CARS2: variants seen among roughly 807,000 people sequenced by gnomAD.
CARS2 encodes the protein probable cysteine--tRNA ligase, mitochondrial.
CARS2 carries 52 observed loss-of-function variants against 68.8 expected under a neutral mutation model. The ratio of observed to expected loss-of-function variants is 0.76; its 90% confidence interval spans 0.61 to 0.95. CARS2 has a LOEUF of 0.95. Ranked by LOEUF, CARS2 falls within the 40% of genes least tolerant of loss-of-function variation. CARS2 has a pLI of 0.00. For synonymous variants in CARS2, 314 were observed against 303.6 expected (o/e 1.03, Z -0.36); for missense variants, 780 against 754.2 (o/e 1.03, Z -0.40).
chr13:110,664,075 C>T, intron 8 of CARS2: 1 of 983,504 alleles, frequency 1.0e-6, no homozygotes, highest in Non-Finnish European at 1.2e-6. Flanking sequence ...GGAGGAAAAC[C>T]AAACTCATTT....
At chr13:110,669,947 G>A (rs1457883744) in intron 7 of CARS2, among the ~76,000 whole-genome samples, 1 of 152,244 alleles carries the variant, frequency 6.6e-6, no homozygotes. Flanking sequence ...CACGCCCACG[G>A]AGCCTCGCTC....
rs937379049 is a variant in CARS2 at position 110,712,531 on chromosome 13, G to A, written n.399+606C>T. On this transcript the variant is annotated intron_variant and non_coding_transcript_variant, in intron 1 of 2. Coordinates refer to the CARS2 transcript ENST00000485188. ...GGAGGGGCGGGCCCTTTGGCCGGAA[G>A]GGGGGGGGCCGGCGCGCGGGGCCGG... 2.4e-5 allele frequency: 4 copies of A among 163,888 alleles called. No individual in the cohort carries two copies. In the African/African-American group the frequency reaches 4.5e-4, roughly 19 times the overall value. 10.2% of individuals were successfully genotyped at this position (163,888 alleles called of 1,614,324 possible).
rs185147145 is a variant in CARS2 at position 110,677,167 on chromosome 13, C to T, written c.656-64G>A. The stretch of plus-strand genomic sequence containing the variant: ...AGTCACCCCACCACGGATGCTCAGA[C>T]ATTCACCCCCACCACAGAAACCCAG... On this transcript the variant is annotated intron_variant, in intron 6 of 14. Transcript: ENST00000257347. 5,109 of 1,507,526 alleles carry T rather than the reference C, an allele frequency of 3.4e-3. 10 individuals are homozygous for T. Among genetic ancestry groups the T allele is most frequent in the Non-Finnish European group, 4.1e-3 (4,605 of 1,118,938 alleles). The allele number at this position is 1,507,526 out of a possible 1,614,324, so 93.4% of individuals were successfully genotyped here.
chr13:110,665,763 A>G lies in CARS2; in HGVS notation c.919+1577T>C. 1 of 985,396 alleles carries G rather than the reference A, an allele frequency of 1.0e-6. No homozygotes were observed. The highest frequency in any genetic ancestry group is 1.2e-6 in the Non-Finnish European group (1 of 829,926). 61.0% of individuals were successfully genotyped at this position (985,396 alleles called of 1,614,324 possible). A position where few individuals can be genotyped will look rare whatever the true frequency, so the allele number is the denominator to read the frequency against. On this transcript the variant is annotated intron_variant, in intron 8 of 14. Coordinates refer to ENST00000257347, the MANE Select transcript of CARS2 (RefSeq NM_024537.4). This position sits in a 1 kb window ranked among gnomAD's most constrained non-coding sequence, Gnocchi z 4.3. Reference sequence around the variant, plus strand: ...TCAACGAGGAAGTGACTTCGGGGCAATCAGCCTCATCTATTTACTTTCATG... The same window carrying G: ...TCAACGAGGAAGTGACTTCGGGGCAGTCAGCCTCATCTATTTACTTTCATG...
In CARS2 at chr13:110,687,844, C is replaced by T. The variant is rs370423607; in HGVS notation, c.466-18G>A. On this transcript the variant is annotated intron_variant, in intron 4 of 14. Coordinates refer to ENST00000257347, the MANE Select transcript of CARS2 (RefSeq NM_024537.4). ...GGGAGAACCTGCAAGGAAGTGGAGA[C>T]GTGACCGTGTTTCCCTCGTGAGAAG... The T allele has an allele frequency of 7.3e-5, 116 of 1,580,434 alleles. No individual in the cohort carries two copies. Among genetic ancestry groups the T allele is most frequent in the South Asian group, 4.4e-5 (4 of 90,310 alleles).
intron 10 of CARS2, among the ~76,000 whole-genome samples, chr13:110,647,775 C>G (rs1206472124): frequency 4.8e-5 from 4 of 83,504 alleles, no homozygotes; most frequent in Middle Eastern, 0.014. Context: ...GCCAGTGTTT[C>G]TGTTTACATC....
intron 6 of CARS2, 129 bp downstream of exon 6, chr13:110,682,922 C>A: frequency 1.9e-6 from 1 of 532,964 alleles, no homozygotes. Flanking sequence ...AAATTTAAAA[C>A]ACAGCTGTGA....
At chr13:110,672,378 G>T (rs1287976078) in intron 7 of CARS2, among the ~76,000 whole-genome samples, 3 of 152,186 alleles carry the variant, frequency 2.0e-5, no homozygotes, top group Admixed American at 6.5e-5. Flanking sequence ...TCAGACCACA[G>T]TGCAATCAAA....
intron 13 of CARS2, chr13:110,643,554 G>A (rs1357528579): frequency 6.5e-6 from 1 of 153,674 alleles, no homozygotes; most frequent in Non-Finnish European, 1.4e-5. Flanking sequence ...GGGACCCTCG[G>A]GGTGCTGGGC....
chr13:110,712,531 G>GGGA (rs892288005), intron 1 of CARS2: 1 of 163,900 alleles, frequency 6.1e-6, no homozygotes, highest in Non-Finnish European at 1.1e-5. Context: ...TTGGCCGGAA[G>GGGA]GGGGGGGGCC....
chr13:110,700,858 C>T (rs1159781513), intron 3 of CARS2, among the ~76,000 whole-genome samples: 1 of 152,166 alleles, frequency 6.6e-6, no homozygotes, highest in African/African-American at 2.4e-5. Flanking sequence ...AGATTGGAGC[C>T]AGGAGACGAC....
Position 110,659,573 on chromosome 13 carries a change from A to G in CARS2, c.987+3878T>C, listed in dbSNP as rs1048988006. ...ACTGAAGGGTTGGTTCCAGACCACC[A>G]CAATAAAGCGAATATCACAATAAAG... On this transcript the variant is annotated intron_variant, in intron 9 of 14. Coordinates refer to ENST00000257347, the MANE Select transcript of CARS2 (RefSeq NM_024537.4). Among the ~76,000 whole-genome samples the G allele has an allele frequency of 7.9e-5, 12 of 151,938 alleles. No homozygotes were observed. In the East Asian group the frequency reaches 2.3e-3, roughly 29 times the overall value.
At chr13:110,673,081 A>G (rs1381420502) in intron 7 of CARS2, among the ~76,000 whole-genome samples, 19 of 152,262 alleles carry the variant, frequency 1.2e-4, no homozygotes. Context: ...TTAATAGCCT[A>G]CCAACCAGAA....
intron 11 of CARS2, 55 bp from the exon 12 acceptor site, chr13:110,646,145 G>A (rs541071372): frequency 1.9e-5 from 30 of 1,569,510 alleles, no homozygotes; most frequent in South Asian, 1.1e-4. Flanking sequence ...CTCCCCAGGC[G>A]GCCCCCACAC....
chr13:110,712,911 G>A (rs1349144247), intron 1 of CARS2: 7 of 1,540,724 alleles, frequency 4.5e-6, no homozygotes, highest in Admixed American at 1.9e-5. Flanking sequence ...AAGGGAGGGC[G>A]GTGACGGATG....
intron 3 of CARS2, 36 bp from the exon 4 acceptor site, chr13:110,688,054 G>GTTGCGAATGCCCCA: frequency 6.8e-7 from 1 of 1,468,954 alleles, no homozygotes; most frequent in Non-Finnish European, 9.5e-7. Flanking sequence ...TAATGAGTCT[G>GTTGCGAATGCCCCA]GGGCATTCGC....
chr13:110,658,293 G>A (rs1295723327), intron 9 of CARS2, among the ~76,000 whole-genome samples: 1 of 152,176 alleles, frequency 6.6e-6, no homozygotes, highest in Non-Finnish European at 1.5e-5. Context: ...ATTACTATGT[G>A]AGTCCACTTA....
At chr13:110,647,273 C>T (rs1399899783) in intron 10 of CARS2, 34 bp from the exon 11 acceptor site, 1 of 1,600,450 alleles carries the variant, frequency 6.2e-7, no homozygotes, top group Admixed American at 1.7e-5. Flanking sequence ...GAGGCGGTGC[C>T]CACCATGCTG....
chr13:110,641,673 A>C, intron 14 of CARS2, 65 bp from the exon 15 acceptor site: 1 of 1,295,212 alleles, frequency 7.7e-7, no homozygotes, highest in Non-Finnish European at 1.1e-6. Flanking sequence ...GGGGGCTGAC[A>C]GGCGTAATCA....
Sources: gnomAD v4.1 joint callset for allele counts (sites outside exome capture counted in the v4.1 genomes callset) on GRCh38, gnomAD v4.1.1 for gene constraint, Gnocchi (gnomAD v3.1) non-coding constraint, MANE v1.5 for transcripts, NCBI Gene and HGNC (gene_info 2026-07-23, HGNC 2026-07-21) for gene names.